The following HERC3 variants were observed in gnomAD, a reference collection of about 807,000 sequenced individuals.
HERC3 encodes the protein probable E3 ubiquitin-protein ligase HERC3.
HERC3 carries 58 observed loss-of-function variants against 129.9 expected under a neutral mutation model. The observed-to-expected ratio is 0.45, with a 90% CI of 0.36 to 0.56. The LOEUF (loss-of-function observed/expected upper bound fraction) is 0.56. Ranked by LOEUF, HERC3 falls within the 20% of genes least tolerant of loss-of-function variation. The pLI, the probability that HERC3 is intolerant of heterozygous loss-of-function variation, is 0.00. For synonymous variants in HERC3, 430 were observed against 451.0 expected, an observed-to-expected ratio of 0.95 and a Z score of 0.59; for missense variants, 835 against 1,244.2, an observed-to-expected ratio of 0.67 and a Z score of 4.95.
the HERC3 span, among the ~76,000 whole-genome samples, chr4:88,537,610 A>G: frequency 6.6e-5 from 10 of 152,214 alleles, no homozygotes; most frequent in Non-Finnish European, 1.3e-4. Flanking sequence ...AATAAGTAGC[A>G]TACAGGGATG....
At chr4:88,695,220 A>T (rs1734480861) in intron 23 of HERC3, among the ~76,000 whole-genome samples, 1 of 152,136 alleles carries the variant, frequency 6.6e-6, no homozygotes, top group African/African-American at 2.4e-5. Context: ...ATGAAGATTA[A>T]CTTTACCTTA....
intron 23 of HERC3, chr4:88,692,828 C>T (rs1001409340): frequency 1.1e-6 from 1 of 907,884 alleles, no homozygotes; most frequent in African/African-American, 1.8e-5. Context: ...GACTGCGCTC[C>T]ATGGGTACCA....
the HERC3 span, among the ~76,000 whole-genome samples, chr4:88,585,988 C>A: frequency 6.6e-6 from 1 of 152,152 alleles, no homozygotes; most frequent in Non-Finnish European, 1.5e-5. Flanking sequence ...CTGGTGCCAT[C>A]TTTTGTTAGG....
the HERC3 span, among the ~76,000 whole-genome samples, chr4:88,539,172 G>A: frequency 6.6e-6 from 1 of 152,158 alleles, no homozygotes; most frequent in South Asian, 2.1e-4. Context: ...CTAGCCAAGG[G>A]AAGCCATGAC....
At chr4:88,528,230 T>C in the HERC3 span, 1 of 157,594 alleles carries the variant, frequency 6.3e-6, no homozygotes, top group East Asian at 1.9e-4. Context: ...AAACCATTTA[T>C]AGCACGAAGT....
chr4:88,655,656 C>G (rs956399815), intron 8 of HERC3, among the ~76,000 whole-genome samples: 2 of 152,180 alleles, frequency 1.3e-5, no homozygotes, highest in African/African-American at 4.8e-5. Context: ...TGCAGTAGAT[C>G]ATTCAGCTCT....
chr4:88,586,067 ATTTAC>A, the HERC3 span, among the ~76,000 whole-genome samples: 1 of 152,206 alleles, frequency 6.6e-6, no homozygotes, highest in Non-Finnish European at 1.5e-5. Flanking sequence ...ACTTTTAGGA[ATTTAC>A]TTTACTGATA....
chr4:88,527,772 G>A, the HERC3 span: 2 of 319,300 alleles, frequency 6.3e-6, no homozygotes, highest in South Asian at 3.0e-5. Context: ...TGTTCATTCT[G>A]CTGCCGGTTA....
upstream of HERC3, among the ~76,000 whole-genome samples, chr4:88,590,948 G>A (rs1721670423): frequency 6.7e-6 from 1 of 149,332 alleles, no homozygotes; most frequent in African/African-American, 2.5e-5. Context: ...TAAGTACAGT[G>A]GCTTGATTTC....
chr4:88,626,306 C>A (rs1726092071), intron 3 of HERC3, among the ~76,000 whole-genome samples: 1 of 152,074 alleles, frequency 6.6e-6, no homozygotes, highest in Non-Finnish European at 1.5e-5. Context: ...CTCAACCTCC[C>A]AAGAAGCTGG....
rs140995900 is a variant in HERC3, at chr4:88,630,248, A to T, written c.227-19592A>T. 2.6e-3 allele frequency among the ~76,000 whole-genome samples: 397 copies of T among 152,298 alleles called. 1 individual carries two copies. Among genetic ancestry groups the T allele is most frequent in the African/African-American group, 8.4e-3 (351 of 41,562 alleles). On this transcript the variant is annotated intron_variant, in intron 3 of 25. Coordinates refer to ENST00000402738, the MANE Select transcript of HERC3 (RefSeq NM_014606.3). ...TCCATTTCTCCCATAAAGAATGATG[A>T]TGCTTTGAAATGTCTGTGAGCTTCC...
the HERC3 span, among the ~76,000 whole-genome samples, chr4:88,554,636 A>G: frequency 6.6e-6 from 1 of 152,220 alleles, no homozygotes. Context: ...ACACAGAGCT[A>G]AAGATGGGAA....
In HERC3 at chr4:88,676,202, ATT is replaced by A; in HGVS notation, c.1912-12_1912-11del. On this transcript the variant is annotated splice_polypyrimidine_tract_variant and intron_variant, in intron 16 of 25. Coordinates refer to ENST00000402738, the MANE Select transcript of HERC3 (RefSeq NM_014606.3). Reference sequence around the variant, plus strand: ...TTACAATTTAAGTAAGAGACTTTTTATTTTTCTTTACACAGAAGGCTAGACCA... The same window carrying A: ...TTACAATTTAAGTAAGAGACTTTTTATTTCTTTACACAGAAGGCTAGACCA... 6.5e-7 allele frequency: 1 copy of A among 1,534,894 alleles called. No individual in the cohort carries two copies. Among genetic ancestry groups the A allele is most frequent in the Non-Finnish European group, 8.9e-7 (1 of 1,117,548 alleles).
chr4:88,610,453 C>CAAA (rs10616395), intron 3 of HERC3, among the ~76,000 whole-genome samples: 14 of 122,478 alleles, frequency 1.1e-4, no homozygotes, highest in Admixed American at 4.2e-4. Flanking sequence ...GACTCCGTCT[C>CAAA]AAAAAAAAAA....
intron 3 of HERC3, among the ~76,000 whole-genome samples, chr4:88,636,468 C>T (rs1727414208): frequency 6.6e-6 from 1 of 152,138 alleles, no homozygotes; most frequent in Admixed American, 6.5e-5. Flanking sequence ...TATATGCACC[C>T]AGTATGGGAG....
In HERC3 at chr4:88,656,032, G is replaced by T. The variant is rs553928306; in HGVS notation, c.1066G>T (p.Ala356Ser). Residue 356 changes from alanine to serine, a missense_variant, in exon 9 of 26, where the codon GCT (alanine) becomes TCT (serine). Ala to Ser is a moderately conservative substitution (Grantham distance 99). Transcript: ENST00000402738. The part of the protein sequence containing the change: ...AAHSGQLSAR[A>S]DRFKYHIVKQ... ...CCACAGTGGCCAGCTTTCAGCCCGAGCTGGTAAGAATGATTGTCTCTGGAA... is the reference window on the plus strand; with the variant it reads ...CCACAGTGGCCAGCTTTCAGCCCGATCTGGTAAGAATGATTGTCTCTGGAA... The T allele has an allele frequency of 3.0e-5, 49 of 1,613,976 alleles. 1 individual carries two copies. The Admixed American group carries it at 5.5e-4, about 18-fold the overall frequency.
intron 20 of HERC3, 119 bp from the exon 21 acceptor site, chr4:88,681,040 T>G (rs1422585954): frequency 6.9e-7 from 1 of 1,452,874 alleles, no homozygotes; most frequent in Non-Finnish European, 9.1e-7. Flanking sequence ...AGAAGGTAAC[T>G]AAATATTAAT....
chr4:88,532,342 C>A, the HERC3 span, among the ~76,000 whole-genome samples: 3 of 152,124 alleles, frequency 2.0e-5, no homozygotes, highest in Non-Finnish European at 4.4e-5. Context: ...GCCTGAGAAC[C>A]ACGGGAGCCA....
the HERC3 span, among the ~76,000 whole-genome samples, chr4:88,541,348 C>T: frequency 1.3e-5 from 2 of 151,956 alleles, no homozygotes; most frequent in Admixed American, 1.3e-4. Flanking sequence ...ACAAATAAGG[C>T]CATTACAAAA....
Sources: allele counts gnomAD v4.1 joint callset (sites outside exome capture counted in the v4.1 genomes callset), GRCh38; gene constraint gnomAD v4.1.1; transcripts MANE v1.5; gene names NCBI Gene and HGNC (gene_info 2026-07-23, HGNC 2026-07-21).